The following PDZD2 variants were observed in gnomAD, a reference collection of about 807,000 sequenced individuals.
PDZD2 encodes the protein PDZ domain containing 2.
In PDZD2, 90 loss-of-function variants were observed where a neutral mutation model predicts 220.7. The ratio of observed to expected loss-of-function variants is 0.41; its 90% CI spans 0.34 to 0.49. The LOEUF is 0.49. PDZD2 is among the 20% of genes least tolerant of loss of function. The probability of loss-of-function intolerance (pLI) is 0.28; values close to 1 mark genes in which losing one functional copy is unlikely to be tolerated. For missense variants in PDZD2, 3,174 were observed against 3,608.5 expected (o/e 0.88, Z 3.08); for synonymous variants, 1,375 against 1,450.5 (o/e 0.95, Z 1.18).
At chr5:31,809,430 C>T (rs1387594761) in intron 2 of PDZD2, among the ~76,000 whole-genome samples, 1 of 152,128 alleles carries the variant, frequency 6.6e-6, no homozygotes, top group African/African-American at 2.4e-5. Flanking sequence ...GGTGTTTTTT[C>T]CTGTGGCCCT....
At chr5:31,716,484 G>A (rs901094641) in intron 1 of PDZD2, among the ~76,000 whole-genome samples, 3 of 152,126 alleles carry the variant, frequency 2.0e-5, no homozygotes, top group Admixed American at 6.5e-5. Context: ...AATGGGCAAG[G>A]CAGGGTAAGC....
chr5:31,956,285 G>A (rs780871156), intron 2 of PDZD2, among the ~76,000 whole-genome samples: 12 of 150,180 alleles, frequency 8.0e-5, no homozygotes, highest in Admixed American at 2.6e-4. Flanking sequence ...TATATGTTTC[G>A]GTGCACCAAT....
intron 3 of PDZD2, among the ~76,000 whole-genome samples, chr5:31,986,778 A>T (rs371307468): frequency 9.2e-5 from 14 of 152,334 alleles, no homozygotes; most frequent in African/African-American, 3.4e-4. Flanking sequence ...AAAAGAGCTC[A>T]TAATCATTCA....
intron 2 of PDZD2, among the ~76,000 whole-genome samples, chr5:31,856,335 A>G (rs1030764684): frequency 7.2e-5 from 11 of 152,050 alleles, no homozygotes; most frequent in African/African-American, 2.2e-4. Flanking sequence ...CAGCTGCAGG[A>G]CTCACAGACA....
chr5:31,797,008 AG>A (rs1754075040), intron 1 of PDZD2, among the ~76,000 whole-genome samples: 1 of 150,486 alleles, frequency 6.6e-6, no homozygotes, highest in Admixed American at 6.6e-5. Context: ...GCTCACTGCA[AG>A]CTCCGCTTCC....
intron 1 of PDZD2, among the ~76,000 whole-genome samples, chr5:31,709,871 G>A (rs1461490389): frequency 2.6e-5 from 4 of 152,142 alleles, no homozygotes; most frequent in Non-Finnish European, 5.9e-5. Context: ...CAGGAAAATC[G>A]CTTGAACCTG....
intron 1 of PDZD2, among the ~76,000 whole-genome samples, chr5:31,689,880 T>A (rs1747048942): frequency 6.6e-6 from 1 of 152,056 alleles, no homozygotes; most frequent in African/African-American, 2.4e-5. Flanking sequence ...TGCTGAAGGG[T>A]CTCTGGGTGG....
At chr5:31,793,474 T>C (rs1435089275) in intron 1 of PDZD2, among the ~76,000 whole-genome samples, 1 of 152,184 alleles carries the variant, frequency 6.6e-6, no homozygotes, top group Non-Finnish European at 1.5e-5. Context: ...TCAGGACTTG[T>C]TATTGAGCAA....
intron 2 of PDZD2, among the ~76,000 whole-genome samples, chr5:31,830,642 G>A (rs1024976349): frequency 7.9e-5 from 12 of 152,068 alleles, no homozygotes. Context: ...AGGCCCTGGA[G>A]TATTGGCTGT....
intron 2 of PDZD2, among the ~76,000 whole-genome samples, chr5:31,891,926 G>C (rs546463309): frequency 6.7e-6 from 1 of 149,022 alleles, no homozygotes; most frequent in South Asian, 2.1e-4. Flanking sequence ...TTTTTTTTGC[G>C]GGGGGACAGG....
At chr5:32,003,308 A>C (rs1393769086) in intron 5 of PDZD2, among the ~76,000 whole-genome samples, 3 of 85,014 alleles carry the variant, frequency 3.5e-5, no homozygotes, top group Admixed American at 1.3e-4. Context: ...ACACCACACC[A>C]CACACACCCC....
In PDZD2 at chr5:31,689,486, G is replaced by A. The variant is rs942204747; in HGVS notation, c.-361+50049G>A. ...TGAGATTACAGGTGTGAGCCACCAC[G>A]CCCAGCCTGCCCACAAGGTATTGCT... is the stretch of plus-strand genomic sequence containing the variant. On this transcript the variant is annotated intron_variant, in intron 1 of 24. Transcript: ENST00000438447. 4.0e-5 allele frequency among the ~76,000 whole-genome samples: 6 copies of A among 149,592 alleles called. No homozygotes were observed. In the South Asian group the frequency reaches 6.4e-4, roughly 16 times the overall value.
intron 2 of PDZD2, among the ~76,000 whole-genome samples, chr5:31,835,674 G>C (rs1756906856): frequency 6.6e-6 from 1 of 151,862 alleles, no homozygotes; most frequent in Non-Finnish European, 1.5e-5. Context: ...TGACCAAGAA[G>C]ATAAGAATTC....
Position 31,982,172 on chromosome 5 carries a change from A to G in PDZD2, c.477-983A>G, listed in dbSNP as rs1035586923. On this transcript the variant is annotated intron_variant, in intron 2 of 24. Transcript: ENST00000438447. The stretch of plus-strand genomic sequence containing the variant: ...CATTGTCAGTGATCCTCCTAATGTG[A>G]TGTCCAGACTGGAAATGACACTCCA... Among the ~76,000 whole-genome samples, 4 of 152,216 alleles carry G rather than the reference A, an allele frequency of 2.6e-5. 1 individual carries two copies. The South Asian group carries it at 8.3e-4, about 32-fold the overall frequency.
intron 6 of PDZD2, among the ~76,000 whole-genome samples, chr5:32,022,072 A>G (rs1754239121): frequency 6.6e-6 from 1 of 152,102 alleles, no homozygotes; most frequent in Non-Finnish European, 1.5e-5. Flanking sequence ...TGCTTTGGGG[A>G]TACAGAGATG....
intron 2 of PDZD2, chr5:31,847,867 G>C: frequency 1.9e-6 from 1 of 514,024 alleles, no homozygotes; most frequent in African/African-American, 1.9e-5. Context: ...AGCACATCAC[G>C]TGTCAGAATG....
chr5:32,043,816 G>A (rs900287131), intron 7 of PDZD2, among the ~76,000 whole-genome samples: 8 of 151,892 alleles, frequency 5.3e-5, no homozygotes, highest in Non-Finnish European at 1.0e-4. Context: ...TAGTAGAGAC[G>A]GGGTTTCACT....
intron 14 of PDZD2, among the ~76,000 whole-genome samples, chr5:32,062,442 G>A (rs1739776079): frequency 6.7e-6 from 1 of 148,274 alleles, no homozygotes. Context: ...CACCCAGGCT[G>A]GAGTGCAATG....
At chr5:31,853,188 C>A (rs947181548) in intron 2 of PDZD2, among the ~76,000 whole-genome samples, 12 of 152,142 alleles carry the variant, frequency 7.9e-5, no homozygotes, top group African/African-American at 1.7e-4. Context: ...GTAAGCCAGA[C>A]ACTTTGTGTT....
Sources: allele counts gnomAD v4.1 joint callset (sites outside exome capture counted in the v4.1 genomes callset), GRCh38; gene constraint gnomAD v4.1.1; transcripts MANE v1.5; gene names NCBI Gene and HGNC (gene_info 2026-07-23, HGNC 2026-07-21).